Variants in PTPRT observed in about 807,000 individuals in gnomAD.
PTPRT encodes the protein protein tyrosine phosphatase receptor type T, also known as receptor-type tyrosine-protein phosphatase T.
A neutral mutation model predicts 176.8 loss-of-function variants in PTPRT; 56 were observed. That is an observed-to-expected ratio of 0.32 (90% CI 0.26 to 0.40). PTPRT has a LOEUF of 0.40. PTPRT is among the 10% of genes least tolerant of loss of function. PTPRT has a pLI of 1.00. For missense variants in PTPRT, 1,540 were observed against 1,908.2 expected (o/e 0.81, Z 3.60); for synonymous variants, 783 against 739.0 (o/e 1.06, Z -0.96).
At chr20:42,839,981 A>G (rs1409453880) in intron 2 of PTPRT, among the ~76,000 whole-genome samples, 1 of 152,114 alleles carries the variant, frequency 6.6e-6, no homozygotes, top group Non-Finnish European at 1.5e-5. Flanking sequence ...GTTTACTAGT[A>G]TATTGGTTTC....
chr20:42,986,759 G>A (rs1486297601), intron 1 of PTPRT, among the ~76,000 whole-genome samples: 3 of 152,166 alleles, frequency 2.0e-5, no homozygotes, highest in Admixed American at 6.5e-5. Flanking sequence ...TATCCTATCT[G>A]CAGATGAAGA....
At chr20:42,614,713 T>C (rs1244180802) in intron 7 of PTPRT, among the ~76,000 whole-genome samples, 1 of 152,162 alleles carries the variant, frequency 6.6e-6, no homozygotes, top group Non-Finnish European at 1.5e-5. Flanking sequence ...GCTGTGTTAG[T>C]TCATTTTCAT....
chr20:42,846,176 C>T (rs1056075690), intron 2 of PTPRT, among the ~76,000 whole-genome samples: 14 of 152,144 alleles, frequency 9.2e-5, no homozygotes, highest in Non-Finnish European at 1.8e-4. Flanking sequence ...TGCTTTATAA[C>T]GCAAAAATAA....
intron 13 of PTPRT, among the ~76,000 whole-genome samples, chr20:42,262,146 T>C (rs1452761450): frequency 2.0e-5 from 3 of 152,242 alleles, no homozygotes; most frequent in Non-Finnish European, 4.4e-5. Context: ...CATGTTTTCT[T>C]TCTTCTAGCC....
At chr20:43,076,730 G>T (rs1243295504) in intron 1 of PTPRT, among the ~76,000 whole-genome samples, 1 of 152,142 alleles carries the variant, frequency 6.6e-6, no homozygotes, top group Non-Finnish European at 1.5e-5. Flanking sequence ...TGCCCACAGG[G>T]TCACCCAAGG....
At chr20:42,686,547 G>A (rs959278535) in intron 6 of PTPRT, among the ~76,000 whole-genome samples, 27 of 124,996 alleles carry the variant, frequency 2.2e-4, no homozygotes, top group African/African-American at 8.0e-4. Context: ...GCAGTGGCGC[G>A]ATCTCAGCTC....
At chr20:42,231,880 T>C (rs2146837796) in intron 15 of PTPRT, among the ~76,000 whole-genome samples, 1 of 152,328 alleles carries the variant, frequency 6.6e-6, no homozygotes. Flanking sequence ...TGTTCTCATG[T>C]AGGGATACTT....
At chr20:42,916,385 T>G (rs1298346151) in intron 1 of PTPRT, among the ~76,000 whole-genome samples, 2 of 152,194 alleles carry the variant, frequency 1.3e-5, no homozygotes, top group Non-Finnish European at 2.9e-5. Context: ...TTAGGTTGGT[T>G]CCAAGTCTTT....
In PTPRT at chr20:43,038,022, A is replaced by AAAT. The variant is rs1986452369; in HGVS notation, c.88+151623_88+151624insATT. ...AAGACAGTAAAAAAATCTGACCTAA[A>AAAT]CTGCTTCTGTGGCTACACCTGACCT... On this transcript the variant is annotated intron_variant, in intron 1 of 30. Coordinates refer to ENST00000373187, the MANE Select transcript of PTPRT (RefSeq NM_007050.6). Among the ~76,000 whole-genome samples the AAAT allele has an allele frequency of 1.6e-3, 244 of 151,906 alleles. 1 individual carries two copies. The highest frequency in any genetic ancestry group is 5.6e-3 in the African/African-American group (230 of 41,372).
At chr20:42,379,621 G>A (rs1304957756) in intron 9 of PTPRT, among the ~76,000 whole-genome samples, 1 of 152,252 alleles carries the variant, frequency 6.6e-6, no homozygotes, top group Non-Finnish European at 1.5e-5. Flanking sequence ...TTATATGCCA[G>A]GTACCTCCTT....
At chr20:42,715,745 T>C (rs1423726169) in intron 6 of PTPRT, among the ~76,000 whole-genome samples, 1 of 152,242 alleles carries the variant, frequency 6.6e-6, no homozygotes, top group South Asian at 2.1e-4. Flanking sequence ...ATTCATGGAT[T>C]GGAAGGTTCC....
chr20:42,779,056 A>G (rs189150247), intron 4 of PTPRT, among the ~76,000 whole-genome samples: 2 of 152,330 alleles, frequency 1.3e-5, no homozygotes, highest in South Asian at 2.1e-4. Flanking sequence ...CGGAACTTGT[A>G]ATGTGTTCCA....
At chr20:42,465,458 A>G (rs746677592) in intron 8 of PTPRT, among the ~76,000 whole-genome samples, 4 of 152,212 alleles carry the variant, frequency 2.6e-5, no homozygotes, top group Non-Finnish European at 5.9e-5. Flanking sequence ...CATCAACACA[A>G]TGAAATACCA....
chr20:42,061,871 T>G, the PTPRT span, among the ~76,000 whole-genome samples: 1 of 152,254 alleles, frequency 6.6e-6, no homozygotes, highest in Non-Finnish European at 1.5e-5. Context: ...ACAGACATTT[T>G]CTGCAGGCCT....
intron 16 of PTPRT, among the ~76,000 whole-genome samples, chr20:42,169,288 T>C (rs577635361): frequency 6.6e-6 from 1 of 152,134 alleles, no homozygotes; most frequent in Non-Finnish European, 1.5e-5. Context: ...GGAACAGTCA[T>C]GGGAAAATGC....
chr20:42,898,342 A>G (rs1388837227), intron 1 of PTPRT, among the ~76,000 whole-genome samples: 1 of 152,138 alleles, frequency 6.6e-6, no homozygotes, highest in African/African-American at 2.4e-5. Flanking sequence ...CCAAGTAGCT[A>G]GGACTACAGG....
At chr20:42,499,293 T>G (rs1440639145) in intron 7 of PTPRT, among the ~76,000 whole-genome samples, 1 of 135,826 alleles carries the variant, frequency 7.4e-6, no homozygotes, top group East Asian at 2.0e-4. Flanking sequence ...TTTGATAAAC[T>G]TTTTTTTTTT....
intron 1 of PTPRT, among the ~76,000 whole-genome samples, chr20:43,157,404 C>T (rs2014554862): frequency 6.6e-6 from 1 of 152,046 alleles, no homozygotes; most frequent in Non-Finnish European, 1.5e-5. Context: ...CTTGGATTTA[C>T]ATCTTACTGG....
chr20:42,106,262 C>T (rs1986429516), intron 24 of PTPRT, among the ~76,000 whole-genome samples: 1 of 152,188 alleles, frequency 6.6e-6, no homozygotes, highest in African/African-American at 2.4e-5. Flanking sequence ...TTGGGCTCTC[C>T]AACTGCACAG....
Sources: gnomAD v4.1 joint callset for allele counts (sites outside exome capture counted in the v4.1 genomes callset) on GRCh38, gnomAD v4.1.1 for gene constraint, MANE v1.5 for transcripts, NCBI Gene and HGNC (gene_info 2026-07-23, HGNC 2026-07-21) for gene names.